Variants in MED13L observed in about 807,000 individuals in gnomAD.
MED13L encodes the protein mediator complex subunit 13L, also known as mediator of RNA polymerase II transcription subunit 13-like.
MED13L carries 7 observed loss-of-function variants against 220.9 expected under a neutral mutation model. That is an observed-to-expected ratio of 0.03 (90% confidence interval 0.02 to 0.06). MED13L has a LOEUF of 0.06. MED13L is among the 10% of genes least tolerant of loss of function. The pLI, the probability that MED13L is intolerant of heterozygous loss-of-function variation, is 1.00. For synonymous variants in MED13L, 1,011 were observed against 1,015.2 expected, an observed-to-expected ratio of 1.00 and a Z score of 0.08; for missense variants, 1,965 against 2,760.5, an observed-to-expected ratio of 0.71 and a Z score of 6.46.
rs989850257 is a variant in MED13L, at chr12:116,035,665, A to G, written c.480-13064T>C. 3.9e-5 allele frequency among the ~76,000 whole-genome samples: 6 copies of G among 152,078 alleles called. No homozygotes were observed. In the South Asian group the frequency reaches 1.2e-3, roughly 32 times the overall value. ...GAATGCAGTGGCGCGATCATGACTC[A>G]CTGCAGCCTCGACCTCCCAAGATCC... On this transcript the variant is annotated intron_variant, in intron 4 of 30. Coordinates refer to ENST00000281928, the MANE Select transcript of MED13L (RefSeq NM_015335.5).
chr12:116,164,071 C>T (rs1211259400), intron 2 of MED13L, among the ~76,000 whole-genome samples: 2 of 152,148 alleles, frequency 1.3e-5, no homozygotes, highest in African/African-American at 4.8e-5. Flanking sequence ...GAAATTTTCA[C>T]ATACTTAAAA....
At chr12:116,047,740 T>A (rs1881924881) in intron 4 of MED13L, among the ~76,000 whole-genome samples, 2 of 152,176 alleles carry the variant, frequency 1.3e-5, no homozygotes, top group Non-Finnish European at 2.9e-5. Context: ...AGCAAAATCC[T>A]CCTGACCAAA....
Position 116,139,851 on chromosome 12 carries a change from TC to T in MED13L, c.311-28340del, listed in dbSNP as rs1876900793. 3.3e-5 allele frequency among the ~76,000 whole-genome samples: 5 copies of T among 151,086 alleles called. No individual in the cohort carries two copies. In the South Asian group the frequency reaches 1.0e-3, roughly 32 times the overall value. On this transcript the variant is annotated intron_variant, in intron 2 of 30. Transcript: ENST00000281928. ...CAGGCATGGCAGCACACACCTATAA[TC>T]CCAGCTACTCAGGAGGCTGAGGCAA...
intron 2 of MED13L, among the ~76,000 whole-genome samples, chr12:116,142,420 G>A (rs1184870794): frequency 6.6e-6 from 1 of 152,138 alleles, no homozygotes. Flanking sequence ...AGACTCAGTG[G>A]CTCACACCTG....
At chr12:115,982,205 T>TTA in intron 22 of MED13L, 179 bp downstream of exon 22, 2 of 637,246 alleles carry the variant, frequency 3.1e-6, no homozygotes, top group East Asian at 2.8e-5. Context: ...AGGTCTCCCA[T>TTA]TATATATATG....
intron 29 of MED13L, among the ~76,000 whole-genome samples, chr12:115,965,085 C>T (rs1876048490): frequency 6.6e-6 from 1 of 152,210 alleles, no homozygotes; most frequent in Admixed American, 6.5e-5. Flanking sequence ...CATTGCTTCA[C>T]TGTCTAATAA....
rs1341646242 is a variant in MED13L at position 116,019,217 on chromosome 12, T to A, written c.1009+7A>T. Reference sequence around the variant, plus strand: ...TTCTCCCCAGGACACTCCTGGATCCTACTCACCTAGGATAGCCTGTTCTGG... The same window carrying A: ...TTCTCCCCAGGACACTCCTGGATCCAACTCACCTAGGATAGCCTGTTCTGG... On this transcript the variant is annotated splice_region_variant and intron_variant, in intron 7 of 30. Coordinates refer to ENST00000281928, the MANE Select transcript of MED13L (RefSeq NM_015335.5). The A allele has an allele frequency of 6.2e-7, 1 of 1,612,592 alleles. No homozygotes were observed. Among genetic ancestry groups the A allele is most frequent in the South Asian group, 1.1e-5 (1 of 91,044 alleles).
At chr12:116,190,965 G>GA (rs1348342023) in intron 2 of MED13L, among the ~76,000 whole-genome samples, 1 of 151,868 alleles carries the variant, frequency 6.6e-6, no homozygotes, top group African/African-American at 2.4e-5. Context: ...GGTGGTGCGT[G>GA]CCTGTAGTCC....
chr12:116,157,807 A>G (rs959184345), intron 2 of MED13L, among the ~76,000 whole-genome samples: 2 of 152,242 alleles, frequency 1.3e-5, no homozygotes, highest in Non-Finnish European at 2.9e-5. Context: ...TTCTGGAGAA[A>G]GGGGTGAAAA....
chr12:116,127,345 A>G (rs1875680443), intron 2 of MED13L, among the ~76,000 whole-genome samples: 1 of 152,234 alleles, frequency 6.6e-6, no homozygotes, highest in Admixed American at 6.5e-5. Context: ...ATGAGATAAT[A>G]GGTTAAAAGT....
At position 116,070,430 on chromosome 12, in the gene MED13L, T is replaced by C. The variant is rs1471569402; in HGVS notation, c.479+26239A>G. On this transcript the variant is annotated intron_variant, in intron 4 of 30. Coordinates refer to ENST00000281928, the MANE Select transcript of MED13L (RefSeq NM_015335.5). ...CTCCTAAGCACTTTTTAATATTAACTCATTTCATCTCCATAATCCTAAATT... is the reference window on the plus strand; with the variant it reads ...CTCCTAAGCACTTTTTAATATTAACCCATTTCATCTCCATAATCCTAAATT... Among the ~76,000 whole-genome samples, 3 of 152,310 alleles carry C rather than the reference T, an allele frequency of 2.0e-5. No homozygotes were observed. In the East Asian group the frequency reaches 5.8e-4, roughly 29 times the overall value.
chr12:116,154,887 C>A (rs1259670986), intron 2 of MED13L, among the ~76,000 whole-genome samples: 1 of 152,108 alleles, frequency 6.6e-6, no homozygotes, highest in Non-Finnish European at 1.5e-5. Context: ...ATGCAGCTGG[C>A]ACAATCTCGG....
chr12:116,139,970 C>CAAAAA, intron 2 of MED13L, among the ~76,000 whole-genome samples: 1 of 63,880 alleles, frequency 1.6e-5, no homozygotes, highest in Middle Eastern at 7.4e-3. Flanking sequence ...AACTCCATCT[C>CAAAAA]AAAAAAAAAA....
At position 116,277,190 on chromosome 12, in the gene MED13L, AGGCCG is replaced by A; in HGVS notation, c.-64_-60del. The A allele has an allele frequency of 8.0e-7, 1 of 1,255,490 alleles. No homozygotes were observed. The highest frequency in any genetic ancestry group is 1.0e-6 in the Non-Finnish European group (1 of 960,260). The allele number at this position is 1,255,490 out of a possible 1,614,324, so 77.8% of individuals were successfully genotyped here. A position where few individuals can be genotyped will look rare whatever the true frequency, so the allele number is the denominator to read the frequency against. On this transcript the variant is annotated 5_prime_UTR_variant, in exon 1 of 31. Coordinates refer to ENST00000281928, the MANE Select transcript of MED13L (RefSeq NM_015335.5). ...ATGTCGGAGCGAGGCGTCCGAGGCG[AGGCCG>A]GGCCGGGCGGCGGCGCCTCGCCGGG...
At chr12:116,192,131 G>T (rs1393846356) in intron 2 of MED13L, among the ~76,000 whole-genome samples, 3 of 152,106 alleles carry the variant, frequency 2.0e-5, no homozygotes, top group Non-Finnish European at 4.4e-5. Context: ...AACTTTCAGG[G>T]CAACGGAAGG....
intron 8 of MED13L, among the ~76,000 whole-genome samples, chr12:116,013,469 C>A (rs1408744360): frequency 1.3e-5 from 2 of 152,162 alleles, no homozygotes; most frequent in Non-Finnish European, 2.9e-5. Flanking sequence ...GCACATGAAA[C>A]ATAAATGAAC....
intron 8 of MED13L, 145 bp downstream of exon 8, chr12:116,014,964 A>C: frequency 2.5e-6 from 2 of 790,128 alleles, no homozygotes; most frequent in Non-Finnish European, 4.3e-6. Context: ...TTCAAATTTT[A>C]TTCTATTAAA....
At chr12:116,187,789 G>A (rs1185869399) in intron 2 of MED13L, among the ~76,000 whole-genome samples, 1 of 151,252 alleles carries the variant, frequency 6.6e-6, no homozygotes, top group Non-Finnish European at 1.5e-5. Context: ...TTTAACAGCC[G>A]ATTTCCCAGA....
chr12:116,084,807 G>A (rs1350710079), intron 4 of MED13L, among the ~76,000 whole-genome samples: 1 of 151,504 alleles, frequency 6.6e-6, no homozygotes, highest in Admixed American at 6.6e-5. Context: ...AAATGAAGGT[G>A]TGGAGATGAC....
Sources: gnomAD v4.1 joint callset for allele counts (sites outside exome capture counted in the v4.1 genomes callset) on GRCh38, gnomAD v4.1.1 for gene constraint, MANE v1.5 for transcripts, NCBI Gene and HGNC (gene_info 2026-07-23, HGNC 2026-07-21) for gene names.